The following SUMF1 variants were observed in gnomAD, a reference collection of about 807,000 sequenced individuals.
The protein encoded by SUMF1 is sulfatase modifying factor 1, also known as formylglycine-generating enzyme.
In SUMF1, 48 loss-of-function variants were observed where a neutral mutation model predicts 47.6. That is an observed-to-expected ratio of 1.01 (90% CI 0.80 to 1.28). The LOEUF is 1.28. Among genes scored for constraint, SUMF1 ranks in the 50% most tolerant of loss-of-function variants. The pLI, the probability that SUMF1 is intolerant of heterozygous loss-of-function variation, is 0.00. For synonymous variants in SUMF1, 230 were observed against 192.1 expected, an observed-to-expected ratio of 1.20 and a Z score of -1.63; for missense variants, 571 against 485.4, an observed-to-expected ratio of 1.18 and a Z score of -1.66.
chr3:4,134,580 CAT>C (rs1382907614), intron 8 of SUMF1, among the ~76,000 whole-genome samples: 1 of 152,020 alleles, frequency 6.6e-6, no homozygotes, highest in Non-Finnish European at 1.5e-5. Flanking sequence ...AGAGCAAACA[CAT>C]TCAAAAGCAG....
At chr3:4,360,622 T>A (rs573635986), downstream of SUMF1, among the ~76,000 whole-genome samples, 1 of 152,230 alleles carries the variant, frequency 6.6e-6, no homozygotes, top group Non-Finnish European at 1.5e-5. Flanking sequence ...TGTGAGCCAC[T>A]GGGCCTGGCC....
At position 4,417,146 on chromosome 3, in the gene SUMF1, G is replaced by A. The variant is rs1701740868; in HGVS notation, c.822C>T (p.Gly274=). The change falls in exon 6 of 9, where the codon GGC becomes GGT. Residue 274 remains glycine, a synonymous_variant. Transcript: ENST00000272902. ...EFPVTNTGED[G]FQGTAPVDAF... ...TACTCACAGGCGCAGTTCCTTGGAA[G>A]CCATCCTCACCAGTGTTGGTCACCG... 4 of 1,613,884 alleles carry A rather than the reference G, an allele frequency of 2.5e-6. No individual in the cohort carries two copies. The highest frequency in any genetic ancestry group is 1.3e-5 in the African/African-American group (1 of 75,020).
At chr3:4,414,365 A>G (rs1701639727) in intron 6 of SUMF1, among the ~76,000 whole-genome samples, 1 of 152,326 alleles carries the variant, frequency 6.6e-6, no homozygotes, top group South Asian at 2.1e-4. Flanking sequence ...TAATAAATAC[A>G]TGAAATATCA....
intron 8 of SUMF1, among the ~76,000 whole-genome samples, chr3:4,298,228 C>G (rs2125061627): frequency 6.6e-6 from 1 of 152,212 alleles, no homozygotes; most frequent in South Asian, 2.1e-4. Flanking sequence ...AGAACAAATT[C>G]TGAAGATCAA....
At chr3:4,147,922 CCT>C (rs764954027) in intron 8 of SUMF1, among the ~76,000 whole-genome samples, 8 of 152,106 alleles carry the variant, frequency 5.3e-5, no homozygotes, top group South Asian at 2.1e-4. Flanking sequence ...AGCTAATGAC[CCT>C]TTTTTTTCCA....
At chr3:4,100,581 A>T (rs1693009859) in intron 8 of SUMF1, among the ~76,000 whole-genome samples, 3 of 152,074 alleles carry the variant, frequency 2.0e-5, no homozygotes, top group Admixed American at 2.0e-4. Context: ...ACCAGAAGAA[A>T]ACATAGGGGG....
intron 8 of SUMF1, among the ~76,000 whole-genome samples, chr3:4,183,104 A>T (rs1695131564): frequency 6.6e-6 from 1 of 152,116 alleles, no homozygotes; most frequent in Non-Finnish European, 1.5e-5. Flanking sequence ...TAACTGTTCC[A>T]TTCCAAGTGC....
chr3:4,275,491 T>C (rs1697392723), intron 8 of SUMF1, among the ~76,000 whole-genome samples: 3 of 152,080 alleles, frequency 2.0e-5, no homozygotes, highest in African/African-American at 7.2e-5. Context: ...CAAGAAAACC[T>C]TTCCCAGAAC....
intron 8 of SUMF1, among the ~76,000 whole-genome samples, chr3:4,140,730 TA>T (rs1268624540): frequency 2.0e-5 from 3 of 152,006 alleles, no homozygotes; most frequent in Non-Finnish European, 4.4e-5. Context: ...TTTATTAATA[TA>T]ATATTTAGTT....
intron 8 of SUMF1, among the ~76,000 whole-genome samples, chr3:4,170,776 A>G (rs1241284342): frequency 6.6e-6 from 1 of 152,214 alleles, no homozygotes; most frequent in Non-Finnish European, 1.5e-5. Context: ...TTGGATATCC[A>G]TTAACAACAA....
intron 8 of SUMF1, among the ~76,000 whole-genome samples, chr3:4,100,147 A>T (rs186644768): frequency 6.6e-6 from 1 of 151,684 alleles, no homozygotes; most frequent in African/African-American, 2.4e-5. Flanking sequence ...TGCAATCCCT[A>T]TCAAAATTCT....
At chr3:4,090,561 T>C (rs141387123) in intron 8 of SUMF1, among the ~76,000 whole-genome samples, 4 of 152,146 alleles carry the variant, frequency 2.6e-5, no homozygotes, top group Non-Finnish European at 4.4e-5. Flanking sequence ...CACTGTAAAA[T>C]AAAAATTTGT....
At chr3:4,171,290 T>C (rs1694827068) in intron 8 of SUMF1, among the ~76,000 whole-genome samples, 1 of 152,168 alleles carries the variant, frequency 6.6e-6, no homozygotes, top group South Asian at 2.1e-4. Context: ...CCCCTCATCA[T>C]GCATTTGACA....
intron 7 of SUMF1, among the ~76,000 whole-genome samples, chr3:4,377,776 T>A (rs912673147): frequency 6.6e-6 from 1 of 152,138 alleles, no homozygotes; most frequent in African/African-American, 2.4e-5. Context: ...GCCAGAACCG[T>A]ATCAGGGGAG....
At chr3:4,384,873 ATTTTCTTTTTTCTT>A (rs1010768527) in intron 7 of SUMF1, among the ~76,000 whole-genome samples, 8 of 147,490 alleles carry the variant, frequency 5.4e-5, no homozygotes, top group African/African-American at 1.8e-4. Context: ...TGTTTACTTC[ATTTTCTTTTTTCTT>A]TTTTCTTTTT....
At chr3:4,365,833 A>G (rs1386209663) in intron 8 of SUMF1, among the ~76,000 whole-genome samples, 1 of 152,032 alleles carries the variant, frequency 6.6e-6, no homozygotes, top group East Asian at 1.9e-4. Flanking sequence ...ACAATTTGGC[A>G]TGATTTTGCA....
chr3:4,116,254 G>A (rs764097752), intron 8 of SUMF1, among the ~76,000 whole-genome samples: 2 of 152,012 alleles, frequency 1.3e-5, no homozygotes, highest in East Asian at 3.9e-4. Context: ...TTTCTACCAC[G>A]TCACTTCACT....
chr3:4,122,717 T>G (rs956830456), intron 8 of SUMF1, among the ~76,000 whole-genome samples: 1 of 152,164 alleles, frequency 6.6e-6, no homozygotes, highest in Admixed American at 6.5e-5. Context: ...CTAAAATCTG[T>G]TGAGAAGGAC....
At position 4,361,963 on chromosome 3, in the gene SUMF1, C is replaced by G. The variant is rs939342600; in HGVS notation, c.*181G>C. On this transcript the variant is annotated 3_prime_UTR_variant, in exon 9 of 9. Transcript: ENST00000272902. The stretch of plus-strand genomic sequence containing the variant: ...TCCAAAGATGCACCACACCATAAAG[C>G]ACATGCACTGACCCAGGTCAGCAAT... 4.8e-6 allele frequency: 3 copies of G among 621,222 alleles called. No individual in the cohort carries two copies. The African/African-American group carries it at 5.5e-5, about 11-fold the overall frequency. The allele number at this position is 621,222 out of a possible 1,614,324, so 38.5% of individuals were successfully genotyped here.
Sources: gnomAD v4.1 joint callset for allele counts (sites outside exome capture counted in the v4.1 genomes callset) on GRCh38, gnomAD v4.1.1 for gene constraint, MANE v1.5 for transcripts, NCBI Gene and HGNC (gene_info 2026-07-23, HGNC 2026-07-21) for gene names.